TCF7: variants seen among roughly 807,000 people sequenced by gnomAD.
TCF7 encodes the protein T-cell-factor-7.
TCF7 carries 19 observed loss-of-function variants against 46.8 expected under a neutral mutation model. That is an observed-to-expected ratio of 0.41 (90% CI 0.28 to 0.60). The LOEUF is 0.60. TCF7 is among the 20% of genes least tolerant of loss of function. The pLI, the probability that TCF7 is intolerant of heterozygous loss-of-function variation, is 0.35. For synonymous variants in TCF7, 245 were observed against 213.4 expected, an observed-to-expected ratio of 1.15 and a Z score of -1.29; for missense variants, 547 against 504.6, an observed-to-expected ratio of 1.08 and a Z score of -0.81.
At chr5:134,128,389 C>G (rs981416023) in intron 3 of TCF7, among the ~76,000 whole-genome samples, 2 of 152,016 alleles carry the variant, frequency 1.3e-5, no homozygotes, top group East Asian at 3.9e-4. Context: ...GGCAGCAGCA[C>G]CCCAGGGCCT....
At chr5:134,133,399 A>G (rs1192365858) in intron 3 of TCF7, among the ~76,000 whole-genome samples, 1 of 152,114 alleles carries the variant, frequency 6.6e-6, no homozygotes, top group Non-Finnish European at 1.5e-5. Context: ...AGGGCTGGGC[A>G]CAGTCACCAT....
chr5:134,143,553 C>T (rs770131324), intron 8 of TCF7, 39 bp from the exon 9 acceptor site: 2 of 1,613,690 alleles, frequency 1.2e-6, no homozygotes, highest in Non-Finnish European at 1.7e-6. Flanking sequence ...CCAATGTCTG[C>T]CTCCCAGATC....
chr5:134,144,742 C>A (rs1760425121), intron 9 of TCF7: 1 of 1,393,094 alleles, frequency 7.2e-7, no homozygotes, highest in Non-Finnish European at 1.0e-6. Flanking sequence ...CTGCTCTGCC[C>A]CGCTGCCTGC....
chr5:134,115,166 G>A lies in TCF7; in HGVS notation c.249+11G>A, dbSNP rs1462799087. ...CGCGGCGAGGCCGAGGTGAGCCCCC[G>A]CCGGCGCCGGCTCCTCCCCCGCGGT... On this transcript the variant is annotated intron_variant, in intron 1 of 9. Transcript: ENST00000342854. 9.7e-7 allele frequency: 1 copy of A among 1,030,528 alleles called. No individual in the cohort carries two copies. The highest frequency in any genetic ancestry group is 1.7e-5 in the African/African-American group (1 of 57,574). 63.8% of individuals were successfully genotyped at this position (1,030,528 alleles called of 1,614,324 possible). A position where few individuals can be genotyped will look rare whatever the true frequency, so the allele number is the denominator to read the frequency against.
At chr5:134,138,854 A>T in intron 4 of TCF7, 97 bp from the exon 5 acceptor site, 1 of 1,538,254 alleles carries the variant, frequency 6.5e-7, no homozygotes. Flanking sequence ...AGCTGGTGGG[A>T]TCTTAAGGCC....
Position 134,115,045 on chromosome 5 carries a change from G to T in TCF7, c.139G>T (p.Asp47Tyr), listed in dbSNP as rs1490018443. The T allele has an allele frequency of 2.4e-6, 3 of 1,231,626 alleles. No homozygotes were observed. The highest frequency in any genetic ancestry group is 1.6e-5 in the South Asian group (1 of 62,946). The allele number at this position is 1,231,626 out of a possible 1,614,324, so 76.3% of individuals were successfully genotyped here. ...SRDSAAGPER[D>Y]LAELKSSLVN... ...CGACAGCGCCGCCGGTCCCGAGCGC[G>T]ACCTGGCCGAGCTCAAGTCGTCGCT... The change falls in exon 1 of 10, where the codon GAC (aspartate) becomes TAC (tyrosine). Residue 47 changes from aspartate (D) to tyrosine (Y), a missense_variant. Physicochemically the swap from Asp to Tyr is radical, Grantham distance 160 (BLOSUM62 -3). Coordinates refer to ENST00000342854, the MANE Select transcript of TCF7 (RefSeq NM_003202.5).
chr5:134,146,091 G>T, intron 9 of TCF7, 133 bp from the exon 10 acceptor site: 2 of 1,598,194 alleles, frequency 1.3e-6, no homozygotes, highest in Non-Finnish European at 1.7e-6. Flanking sequence ...TGAGGACACT[G>T]ACTTACCACC....
intron 4 of TCF7, 102 bp from the exon 5 acceptor site, chr5:134,138,849 G>A (rs1228950150): frequency 3.9e-6 from 6 of 1,527,138 alleles, no homozygotes; most frequent in Non-Finnish European, 5.3e-6. Context: ...AGCAAAGCTG[G>A]TGGGATCTTA....
chr5:134,112,431 G>A (rs1294340981), upstream of TCF7, among the ~76,000 whole-genome samples: 1 of 152,138 alleles, frequency 6.6e-6, no homozygotes, highest in African/African-American at 2.4e-5. Flanking sequence ...TTTCAGTGTG[G>A]CTGTGGATGC....
rs1760708025 is a variant in TCF7, at chr5:134,146,350, G to T, written c.*47G>T. 1 of 1,605,780 alleles carries T rather than the reference G, an allele frequency of 6.2e-7. No individual in the cohort carries two copies. Among genetic ancestry groups the T allele is most frequent in the Non-Finnish European group, 8.5e-7 (1 of 1,172,568 alleles). On this transcript the variant is annotated 3_prime_UTR_variant, in exon 10 of 10. Transcript: ENST00000342854. Reference sequence around the variant, plus strand: ...CCCAGGACTCACCCTCATACCATCTGCTGCCCCGCTTCCCCACAGAACTGC... The same window carrying T: ...CCCAGGACTCACCCTCATACCATCTTCTGCCCCGCTTCCCCACAGAACTGC...
intron 3 of TCF7, among the ~76,000 whole-genome samples, chr5:134,125,726 G>A (rs1186887889): frequency 6.6e-6 from 1 of 152,264 alleles, no homozygotes; most frequent in Non-Finnish European, 1.5e-5. Flanking sequence ...GTGCTAGTCT[G>A]GTGTTTACTT....
intron 3 of TCF7, among the ~76,000 whole-genome samples, chr5:134,125,343 G>A (rs188339723): frequency 6.0e-4 from 91 of 152,316 alleles, no homozygotes; most frequent in African/African-American, 2.0e-3. Flanking sequence ...CCCAGAGGAC[G>A]CCCCGCATTG....
chr5:134,115,086 G>T lies in TCF7; in HGVS notation c.180G>T (p.Glu60Asp). 2.7e-6 allele frequency: 3 copies of T among 1,104,156 alleles called. No homozygotes were observed. Among genetic ancestry groups the T allele is most frequent in the Non-Finnish European group, 3.4e-6 (3 of 892,506 alleles). 68.4% of individuals were successfully genotyped at this position (1,104,156 alleles called of 1,614,324 possible). The change falls in exon 1 of 10, where the codon GAG becomes GAT. Residue 60 changes from glutamate (E) to aspartate (D), a missense_variant. Coordinates refer to ENST00000342854, the MANE Select transcript of TCF7 (RefSeq NM_003202.5). ...ELKSSLVNES[E>D]GAAGGAGIPG... ...AGTCGTCGCTCGTGAACGAGTCCGAGGGCGCGGCCGGCGGCGCAGGGATCC... is the reference window on the plus strand; with the variant it reads ...AGTCGTCGCTCGTGAACGAGTCCGATGGCGCGGCCGGCGGCGCAGGGATCC...
At position 134,115,386 on chromosome 5, in the gene TCF7, C is replaced by T. The variant is rs780319474; in HGVS notation, c.315C>T (p.Asp105=). ...FPDKLPEPLE[D]GLKAPECTSG... ...ACAAACTTCCAGAGCCCCTGGAGGACGGTGAGTTTCTGCCCGGCCCGGCTT... is the reference window on the plus strand; with the variant it reads ...ACAAACTTCCAGAGCCCCTGGAGGATGGTGAGTTTCTGCCCGGCCCGGCTT... Residue 105 remains aspartate (D), a splice_region_variant and synonymous_variant, in exon 2 of 10, where the codon GAC becomes GAT. Coordinates refer to ENST00000342854, the MANE Select transcript of TCF7 (RefSeq NM_003202.5). The T allele has an allele frequency of 2.5e-6, 4 of 1,600,302 alleles. No homozygotes were observed. Among genetic ancestry groups the T allele is most frequent in the Non-Finnish European group, 3.4e-6 (4 of 1,174,250 alleles).
chr5:134,126,878 C>G (rs1400569516), intron 3 of TCF7, among the ~76,000 whole-genome samples: 1 of 147,718 alleles, frequency 6.8e-6, no homozygotes, highest in African/African-American at 2.5e-5. Flanking sequence ...GCCTGGGCGA[C>G]AGAGCTAGAC....
At position 134,138,537 on chromosome 5, in the gene TCF7, C is replaced by A. The variant is rs1258509828; in HGVS notation, c.547+373C>A. 2.9e-5 allele frequency: 8 copies of A among 278,316 alleles called. No homozygotes were observed. The East Asian group carries it at 5.7e-4, about 20-fold the overall frequency. The allele number at this position is 278,316 out of a possible 1,614,324, so 17.2% of individuals were successfully genotyped here. ...CCTCAGGCAAAGTCATTCTGAAATC[C>A]CTCATTGTCAGCTGTGGGAAACCTG... On this transcript the variant is annotated intron_variant, in intron 4 of 9. Coordinates refer to ENST00000342854, the MANE Select transcript of TCF7 (RefSeq NM_003202.5).
chr5:134,136,174 G>A lies in TCF7; in HGVS notation c.442-1885G>A, dbSNP rs181892050. On this transcript the variant is annotated intron_variant, in intron 3 of 9. Coordinates refer to ENST00000342854, the MANE Select transcript of TCF7 (RefSeq NM_003202.5). Reference sequence around the variant, plus strand: ...GAGGTGGTAGCTGGGGGAGGATTTAGAGATGGGAGAAATGGCAGCCTGTTT... The same window carrying A: ...GAGGTGGTAGCTGGGGGAGGATTTAAAGATGGGAGAAATGGCAGCCTGTTT... Among the ~76,000 whole-genome samples the A allele has an allele frequency of 3.8e-3, 586 of 152,278 alleles. 7 individuals are homozygous for A. The highest frequency in any genetic ancestry group is 0.013 in the African/African-American group (548 of 41,552).
At chr5:134,122,643 A>G (rs968670394) in intron 3 of TCF7, among the ~76,000 whole-genome samples, 1 of 152,216 alleles carries the variant, frequency 6.6e-6, no homozygotes, top group African/African-American at 2.4e-5. Context: ...GGGTGGGCCC[A>G]GAGCCTCCTG....
chr5:134,130,515 G>C (rs1757968107), intron 3 of TCF7, among the ~76,000 whole-genome samples: 1 of 152,260 alleles, frequency 6.6e-6, no homozygotes, highest in Admixed American at 6.5e-5. Context: ...CCCTGGCATG[G>C]CATGGCCCAG....
Sources: allele counts gnomAD v4.1 joint callset (sites outside exome capture counted in the v4.1 genomes callset), GRCh38; gene constraint gnomAD v4.1.1; transcripts MANE v1.5; gene names NCBI Gene and HGNC (gene_info 2026-07-23, HGNC 2026-07-21).